The following TRDN variants were observed in gnomAD, a reference collection of about 807,000 sequenced individuals.
TRDN encodes triadin, also known as triadin in skeletal muscle.
A neutral mutation model predicts 149.7 loss-of-function variants in TRDN; 161 were observed. The observed-to-expected ratio is 1.08, with a 90% confidence interval of 0.95 to 1.23. The LOEUF is 1.23. Among genes scored for constraint, TRDN ranks in the 50% most tolerant of loss-of-function variants. The pLI, the probability that TRDN is intolerant of heterozygous loss-of-function variation, is 0.00. For synonymous variants in TRDN, 294 were observed against 250.5 expected (o/e 1.17, Z -1.64); for missense variants, 896 against 823.5 (o/e 1.09, Z -1.08).
intron 5 of TRDN, among the ~76,000 whole-genome samples, chr6:123,517,354 A>G (rs2114261149): frequency 6.6e-6 from 1 of 152,208 alleles, no homozygotes. Flanking sequence ...TATACCTATC[A>G]TAATATTATA....
At chr6:123,525,085 C>A (rs1401958569) in intron 5 of TRDN, among the ~76,000 whole-genome samples, 1 of 151,948 alleles carries the variant, frequency 6.6e-6, no homozygotes, top group African/African-American at 2.4e-5. Flanking sequence ...AAATAGAGAA[C>A]ACTTATACAC....
chr6:123,355,243 T>G (rs767785937), intron 20 of TRDN, among the ~76,000 whole-genome samples: 1 of 151,662 alleles, frequency 6.6e-6, no homozygotes, highest in Non-Finnish European at 1.5e-5. Flanking sequence ...TTTTTTTCTC[T>G]CTGGTTTACG....
At chr6:123,270,356 C>G (rs1383708443) in intron 30 of TRDN, among the ~76,000 whole-genome samples, 1 of 151,824 alleles carries the variant, frequency 6.6e-6, no homozygotes, top group East Asian at 1.9e-4. Context: ...CTCCTGAATT[C>G]TATTATATTT....
chr6:123,269,661 T>A (rs1370493074), intron 31 of TRDN, among the ~76,000 whole-genome samples, 188 bp downstream of exon 31: 1 of 151,984 alleles, frequency 6.6e-6, no homozygotes, highest in Non-Finnish European at 1.5e-5. Flanking sequence ...GAATGTTAAA[T>A]CAATGCCATA....
chr6:123,610,097 C>T (rs1248915233), intron 1 of TRDN, among the ~76,000 whole-genome samples: 1 of 152,238 alleles, frequency 6.6e-6, no homozygotes, highest in East Asian at 1.9e-4. Flanking sequence ...GTTGACTTCA[C>T]AAGTGAACGG....
chr6:123,560,693 C>G (rs1414998920), intron 2 of TRDN, among the ~76,000 whole-genome samples: 1 of 152,210 alleles, frequency 6.6e-6, no homozygotes, highest in African/African-American at 2.4e-5. Context: ...TCTGGCCACT[C>G]TCACCCACTC....
At chr6:123,522,990 T>G (rs1779760748) in intron 5 of TRDN, among the ~76,000 whole-genome samples, 1 of 152,176 alleles carries the variant, frequency 6.6e-6, no homozygotes, top group Admixed American at 6.5e-5. Flanking sequence ...AGAACATACA[T>G]GAAGACAAAC....
intron 1 of TRDN, among the ~76,000 whole-genome samples, chr6:123,621,310 G>A (rs997277060): frequency 3.3e-5 from 5 of 151,972 alleles, no homozygotes; most frequent in African/African-American, 4.8e-5. Context: ...AAAACAGGAC[G>A]TTTCTAGGAG....
At chr6:123,227,325 A>G in intron 38 of TRDN, among the ~76,000 whole-genome samples, 1 of 151,900 alleles carries the variant, frequency 6.6e-6, no homozygotes, top group East Asian at 1.9e-4. Flanking sequence ...AGAACAAGAG[A>G]TTGGTACTAT....
At chr6:123,370,118 T>TCAA (rs1781267624) in intron 19 of TRDN, among the ~76,000 whole-genome samples, 2 of 152,284 alleles carry the variant, frequency 1.3e-5, no homozygotes, top group Admixed American at 1.3e-4. Context: ...TAAAGAATGT[T>TCAA]CACCTTTGTA....
rs769060377 is a variant in TRDN, at chr6:123,390,098, C to A, written c.1106-1547G>T. Among the ~76,000 whole-genome samples, 95 of 152,072 alleles carry A rather than the reference C, an allele frequency of 6.2e-4. 1 individual carries two copies. Among genetic ancestry groups the A allele is most frequent in the Non-Finnish European group, 1.1e-3 (76 of 68,000 alleles). ...GACAAAATGAAACAACATAAAATTA[C>A]CCCCTCGAAGGAGCTCTGGTCAATG... On this transcript the variant is annotated intron_variant, in intron 13 of 40. Transcript: ENST00000334268.
At chr6:123,298,821 C>T (rs4243490) in intron 24 of TRDN, among the ~76,000 whole-genome samples, 131,993 of 152,086 alleles carry the variant, frequency 0.87, 57,595 homozygotes, top group East Asian at 0.99. Flanking sequence ...AAGGAAATAC[C>T]ACTTTTTCTC....
intron 12 of TRDN, among the ~76,000 whole-genome samples, chr6:123,435,067 A>G (rs566313658): frequency 3.0e-4 from 45 of 151,236 alleles, no homozygotes; most frequent in African/African-American, 1.1e-3. Context: ...TAATAATACA[A>G]TATAAGGGAA....
intron 1 of TRDN, among the ~76,000 whole-genome samples, chr6:123,633,687 T>C (rs1011139215): frequency 7.9e-5 from 12 of 152,204 alleles, no homozygotes; most frequent in Non-Finnish European, 1.5e-4. Context: ...GAGTTCAACT[T>C]TGTCCTATTT....
chr6:123,515,554 G>A (rs1779373326), intron 6 of TRDN, among the ~76,000 whole-genome samples: 1 of 151,140 alleles, frequency 6.6e-6, no homozygotes, highest in Admixed American at 6.6e-5. Flanking sequence ...TGTAAAAATA[G>A]GGAGGAAAAT....
chr6:123,614,316 A>C (rs1229590287), intron 1 of TRDN, among the ~76,000 whole-genome samples: 2 of 133,554 alleles, frequency 1.5e-5, no homozygotes, highest in African/African-American at 7.6e-5. Context: ...AAAAAAAAAC[A>C]AAAAAAACCC....
rs2114607134 is a variant in TRDN, at chr6:123,441,751, GCTTT to G, written c.932-2752_932-2749del. Among the ~76,000 whole-genome samples, 2 of 152,220 alleles carry G rather than the reference GCTTT, an allele frequency of 1.3e-5. 1 individual carries two copies. Among genetic ancestry groups the G allele is most frequent in the South Asian group, 4.1e-4 (2 of 4,820 alleles). On this transcript the variant is annotated intron_variant, in intron 10 of 40. Coordinates refer to ENST00000334268, the MANE Select transcript of TRDN (RefSeq NM_006073.4). ...CACAATATTTAATTACAATTGCAAA[GCTTT>G]CTAAGATGCTGTTTCCACGAGGAAA...
intron 4 of TRDN, among the ~76,000 whole-genome samples, chr6:123,531,229 G>T (rs915332014): frequency 6.6e-6 from 1 of 151,930 alleles, no homozygotes; most frequent in Non-Finnish European, 1.5e-5. Context: ...CAGTTAATTT[G>T]GATAGAAGTG....
At chr6:123,583,814 T>C in intron 1 of TRDN, 1 of 167,884 alleles carries the variant, frequency 6.0e-6, no homozygotes, top group Non-Finnish European at 1.3e-5. Flanking sequence ...AATTTGCCAG[T>C]CCTGGGTGGG....
Sources: gnomAD v4.1 joint callset for allele counts (sites outside exome capture counted in the v4.1 genomes callset) on GRCh38, gnomAD v4.1.1 for gene constraint, MANE v1.5 for transcripts, NCBI Gene and HGNC (gene_info 2026-07-23, HGNC 2026-07-21) for gene names.